SLC37A1: variants seen among roughly 807,000 people sequenced by gnomAD.
The protein encoded by SLC37A1 is solute carrier family 37 member 1.
In SLC37A1, 49 loss-of-function variants were observed where a neutral mutation model predicts 75.3. The ratio of observed to expected loss-of-function variants is 0.65; its 90% confidence interval spans 0.52 to 0.83. The LOEUF (loss-of-function observed/expected upper bound fraction) is 0.83, where lower values mean the gene tolerates loss of function less well. Ranked by LOEUF, SLC37A1 falls within the 40% of genes least tolerant of loss-of-function variation. The pLI, the probability that SLC37A1 is intolerant of heterozygous loss-of-function variation, is 0.00. For missense variants in SLC37A1, 566 were observed against 695.0 expected (o/e 0.81, Z 2.09); for synonymous variants, 268 against 292.1 (o/e 0.92, Z 0.84).
At position 42,534,844 on chromosome 21, in the gene SLC37A1, C is replaced by T. The variant is rs532489692; in HGVS notation, c.271+14C>T. 2.3e-5 allele frequency: 37 copies of T among 1,612,546 alleles called. No individual in the cohort carries two copies. The highest frequency in any genetic ancestry group is 1.9e-4 in the South Asian group (17 of 90,790). Reference sequence around the variant, plus strand: ...GGGCACCGTTTGGTAAGTCGATTATCGGTCCGTCCAGGAGCCGAAGCGGCT... The same window carrying T: ...GGGCACCGTTTGGTAAGTCGATTATTGGTCCGTCCAGGAGCCGAAGCGGCT... On this transcript the variant is annotated intron_variant, in intron 4 of 19. Transcript: ENST00000352133.
At chr21:42,573,033 G>C (rs2056223604) in intron 17 of SLC37A1, among the ~76,000 whole-genome samples, 2 of 152,188 alleles carry the variant, frequency 1.3e-5, no homozygotes. Context: ...GGGTCCAGCT[G>C]CCAACATCCT....
intron 14 of SLC37A1, among the ~76,000 whole-genome samples, chr21:42,565,588 G>A (rs569549821): frequency 1.3e-5 from 2 of 152,316 alleles, no homozygotes; most frequent in South Asian, 4.1e-4. Context: ...GTGTAAGGTG[G>A]GAGCACCCTG....
Position 42,530,647 on chromosome 21 carries a change from CACA to C in SLC37A1, c.139-4050_139-4048del, listed in dbSNP as rs1389445012. On this transcript the variant is annotated intron_variant, in intron 3 of 19. Coordinates refer to ENST00000352133, the MANE Select transcript of SLC37A1 (RefSeq NM_001320537.2). The stretch of plus-strand genomic sequence containing the variant: ...ACACACACACACACACACACACACA[CACA>C]CACACCCCCTCTGTGTTGGCTGAAG... 2.3e-3 allele frequency among the ~76,000 whole-genome samples: 72 copies of C among 31,276 alleles called. 4 individuals are homozygous for C. The highest frequency in any genetic ancestry group is 3.5e-3 in the Non-Finnish European group (54 of 15,280). 20.5% of individuals were successfully genotyped at this position (31,276 alleles called of 152,430 possible). A position where few individuals can be genotyped will look rare whatever the true frequency, so the allele number is the denominator to read the frequency against.
At chr21:42,508,540 A>G (rs1052927242) in intron 2 of SLC37A1, 1 of 152,156 alleles carries the variant, frequency 6.6e-6, no homozygotes, top group Non-Finnish European at 1.5e-5. Context: ...TCAGTTTCCT[A>G]TTTCCACATA....
intron 10 of SLC37A1, among the ~76,000 whole-genome samples, chr21:42,558,658 A>G (rs1342633033): frequency 6.6e-6 from 1 of 152,102 alleles, no homozygotes; most frequent in Non-Finnish European, 1.5e-5. Context: ...TTTTTTCTCA[A>G]TGATGATGTG....
intron 4 of SLC37A1, 23 bp downstream of exon 4, chr21:42,534,853 C>T: frequency 1.2e-6 from 2 of 1,607,158 alleles, no homozygotes; most frequent in Non-Finnish European, 1.7e-6. Context: ...TCGGTCCGTC[C>T]AGGAGCCGAA....
rs2055378724 is a variant in SLC37A1, at chr21:42,545,246, T to G, written c.730+1644T>G. On this transcript the variant is annotated intron_variant, in intron 8 of 19. Transcript: ENST00000352133. The surrounding 1 kb of genome is among the most constrained non-coding windows in gnomAD (Gnocchi z 4.0). ...ACAAAACCAAACTACCAGAACCTCC[T>G]GCCCAGGGAATCTTTCTGACACTCT... Among the ~76,000 whole-genome samples, 1 of 151,814 alleles carries G rather than the reference T, an allele frequency of 6.6e-6. No individual in the cohort carries two copies. The highest frequency in any genetic ancestry group is 2.1e-4 in the South Asian group (1 of 4,814).
upstream of SLC37A1, among the ~76,000 whole-genome samples, chr21:42,513,018 A>C (rs998816943): frequency 6.6e-6 from 1 of 152,094 alleles, no homozygotes; most frequent in Non-Finnish European, 1.5e-5. Context: ...TTATCCTTAA[A>C]CATTGTTTTA....
At chr21:42,577,285 G>C (rs2056328863) in intron 18 of SLC37A1, among the ~76,000 whole-genome samples, 1 of 152,180 alleles carries the variant, frequency 6.6e-6, no homozygotes, top group Non-Finnish European at 1.5e-5. Context: ...AGCTAACTGT[G>C]GCCTATTTTT....
At chr21:42,512,949 G>A (rs2054452857), upstream of SLC37A1, among the ~76,000 whole-genome samples, 1 of 152,258 alleles carries the variant, frequency 6.6e-6, no homozygotes, top group African/African-American at 2.4e-5. Context: ...ACGTGCCTGG[G>A]GAAGGGTGCG....
intron 3 of SLC37A1, among the ~76,000 whole-genome samples, chr21:42,526,614 C>T (rs2054800025): frequency 6.6e-6 from 1 of 152,146 alleles, no homozygotes; most frequent in Non-Finnish European, 1.5e-5. Flanking sequence ...GTGGCTGAGC[C>T]CTGGGTGGCT....
intron 2 of SLC37A1, among the ~76,000 whole-genome samples, chr21:42,523,068 C>A (rs1047260989): frequency 1.3e-5 from 2 of 152,246 alleles, no homozygotes; most frequent in Non-Finnish European, 2.9e-5. Flanking sequence ...TCCTTCTGGG[C>A]TGTCTGGGTG....
intron 18 of SLC37A1, 94 bp downstream of exon 18, chr21:42,575,009 A>G: frequency 8.3e-6 from 13 of 1,557,332 alleles, no homozygotes; most frequent in Non-Finnish European, 1.1e-5. Context: ...TGCATTCCTG[A>G]GTTATCAGAG....
chr21:42,567,565 C>T (rs181490867), intron 16 of SLC37A1, among the ~76,000 whole-genome samples: 3 of 152,312 alleles, frequency 2.0e-5, no homozygotes, highest in South Asian at 2.1e-4. Context: ...TCAGCCTTCA[C>T]GGGGTAGAGG....
At position 42,580,593 on chromosome 21, in the gene SLC37A1, A is replaced by G. The variant is rs2056404949; in HGVS notation, c.*233A>G. ...CAGGAACTGCTGCCTGAGCCAAGCC[A>G]GAGAACCGAAGACCCGGCCGGCCCT... On this transcript the variant is annotated 3_prime_UTR_variant, in exon 20 of 20. Coordinates refer to ENST00000352133, the MANE Select transcript of SLC37A1 (RefSeq NM_001320537.2). 1 of 469,466 alleles carries G rather than the reference A, an allele frequency of 2.1e-6. No individual in the cohort carries two copies. The highest frequency in any genetic ancestry group is 2.1e-5 in the African/African-American group (1 of 48,708). 29.1% of individuals were successfully genotyped at this position (469,466 alleles called of 1,614,324 possible).
intron 14 of SLC37A1, among the ~76,000 whole-genome samples, chr21:42,565,189 A>T (rs2146999265): frequency 6.6e-6 from 1 of 152,328 alleles, no homozygotes; most frequent in African/African-American, 2.4e-5. Flanking sequence ...TTGGGCTGTG[A>T]CACCCCCCTC....
chr21:42,556,974 G>T (rs2055706577), intron 10 of SLC37A1, among the ~76,000 whole-genome samples: 1 of 152,218 alleles, frequency 6.6e-6, no homozygotes, highest in African/African-American at 2.4e-5. Flanking sequence ...GGAGCAGAGG[G>T]TCTGTGTCTG....
At chr21:42,553,325 T>C (rs991638930) in intron 9 of SLC37A1, among the ~76,000 whole-genome samples, 1 of 152,240 alleles carries the variant, frequency 6.6e-6, no homozygotes, top group Non-Finnish European at 1.5e-5. Flanking sequence ...AAGTACAGAC[T>C]GATTCCTTAT....
In SLC37A1 at chr21:42,569,824, CCAGA is replaced by C. The variant is rs1252698205; in HGVS notation, c.1423+1390_1423+1393del. On this transcript the variant is annotated intron_variant, in intron 17 of 19. Coordinates refer to ENST00000352133, the MANE Select transcript of SLC37A1 (RefSeq NM_001320537.2). ...TCCCAGTGAACTGAATGAGCTGCTC[CCAGA>C]CAGTTAGAATCGCAGCCGGGGCCCA... 7.2e-5 allele frequency among the ~76,000 whole-genome samples: 11 copies of C among 152,254 alleles called. No homozygotes were observed. The East Asian group carries it at 2.1e-3, about 29-fold the overall frequency.
Sources: gnomAD v4.1 joint callset for allele counts (sites outside exome capture counted in the v4.1 genomes callset) on GRCh38, gnomAD v4.1.1 for gene constraint, Gnocchi (gnomAD v3.1) non-coding constraint, MANE v1.5 for transcripts, NCBI Gene and HGNC (gene_info 2026-07-23, HGNC 2026-07-21) for gene names.